Variants in CD2AP observed in about 807,000 individuals in gnomAD.
CD2AP encodes the protein CD2 associated protein.
Under a neutral mutation model 85.1 loss-of-function variants are expected in CD2AP, and 46 were observed. The observed-to-expected ratio is 0.54, with a 90% CI of 0.43 to 0.69. The LOEUF (loss-of-function observed/expected upper bound fraction) is 0.69, where lower values mean the gene tolerates loss of function less well. Among genes scored for constraint, CD2AP ranks in the 30% least tolerant of loss-of-function variants. CD2AP has a pLI of 0.00. For synonymous variants in CD2AP, 255 were observed against 252.9 expected (o/e 1.01, Z -0.08); for missense variants, 769 against 729.5 (o/e 1.05, Z -0.62).
At chr6:47,550,846 T>C (rs542551269) in intron 4 of CD2AP, among the ~76,000 whole-genome samples, 1 of 152,330 alleles carries the variant, frequency 6.6e-6, no homozygotes, top group South Asian at 2.1e-4. Context: ...GGAATACTAC[T>C]CAGCCATAAA....
intron 2 of CD2AP, among the ~76,000 whole-genome samples, chr6:47,525,649 A>G (rs112787198): frequency 1.9e-3 from 295 of 152,260 alleles, no homozygotes; most frequent in African/African-American, 6.9e-3. Flanking sequence ...GTTTTGGTTA[A>G]TACAATCAAA....
intron 17 of CD2AP, among the ~76,000 whole-genome samples, chr6:47,623,149 C>T (rs1435987409): frequency 6.6e-6 from 1 of 152,120 alleles, no homozygotes; most frequent in Admixed American, 6.5e-5. Flanking sequence ...AAGGAAGATC[C>T]TGAAATTAAT....
intron 11 of CD2AP, among the ~76,000 whole-genome samples, chr6:47,593,807 A>G (rs1768863904): frequency 6.6e-6 from 1 of 152,146 alleles, no homozygotes; most frequent in African/African-American, 2.4e-5. Context: ...CCAAACGTCC[A>G]AGAGAATTGA....
At chr6:47,544,528 C>T in intron 3 of CD2AP, 78 bp from the exon 4 acceptor site, 1 of 911,106 alleles carries the variant, frequency 1.1e-6, no homozygotes, top group Non-Finnish European at 1.8e-6. Flanking sequence ...AGTCCTGTGA[C>T]TAAACATGGC....
intron 5 of CD2AP, among the ~76,000 whole-genome samples, chr6:47,558,725 A>G (rs923361597): frequency 6.6e-6 from 1 of 152,202 alleles, no homozygotes; most frequent in South Asian, 2.1e-4. Context: ...TTGGTTTGCC[A>G]GTATTTTATT....
intron 2 of CD2AP, among the ~76,000 whole-genome samples, chr6:47,517,429 A>T (rs2114002144): frequency 6.6e-6 from 1 of 152,138 alleles, no homozygotes; most frequent in African/African-American, 2.4e-5. Flanking sequence ...CTGCGACTAC[A>T]GGTGTGTGCC....
Position 47,549,310 on chromosome 6 carries a change from A to C in CD2AP, c.420+4604A>C, listed in dbSNP as rs1484455354. 3.3e-5 allele frequency among the ~76,000 whole-genome samples: 5 copies of C among 151,814 alleles called. No individual in the cohort carries two copies. In the East Asian group the frequency reaches 9.6e-4, roughly 29 times the overall value. On this transcript the variant is annotated intron_variant, in intron 4 of 17. Coordinates refer to ENST00000359314, the MANE Select transcript of CD2AP (RefSeq NM_012120.3). The stretch of plus-strand genomic sequence containing the variant: ...ATCGTTTACCTTGAAATCCCTAAAG[A>C]CTCCTTCAGAAAGCTCCTAGAACTG...
intron 4 of CD2AP, among the ~76,000 whole-genome samples, chr6:47,547,881 A>G (rs1767408883): frequency 1.3e-5 from 2 of 152,128 alleles, no homozygotes; most frequent in African/African-American, 2.4e-5. Context: ...AGCCTTGAAA[A>G]CCATGCAAAT....
At chr6:47,509,480 C>T (rs979186378) in intron 2 of CD2AP, among the ~76,000 whole-genome samples, 2 of 151,398 alleles carry the variant, frequency 1.3e-5, no homozygotes, top group African/African-American at 2.4e-5. Context: ...TGCAGTGAAG[C>T]GAAGTGCAGT....
chr6:47,497,535 C>T (rs1274305078), intron 1 of CD2AP, among the ~76,000 whole-genome samples: 1 of 152,038 alleles, frequency 6.6e-6, no homozygotes, highest in Non-Finnish European at 1.5e-5. Context: ...TTCAGCTTCC[C>T]CAGTAGTTGG....
At chr6:47,619,096 T>C (rs1430158142) in intron 17 of CD2AP, among the ~76,000 whole-genome samples, 1 of 152,116 alleles carries the variant, frequency 6.6e-6, no homozygotes, top group Non-Finnish European at 1.5e-5. Flanking sequence ...TTCCATACAT[T>C]ATTGGGGTAG....
intron 14 of CD2AP, among the ~76,000 whole-genome samples, chr6:47,607,489 A>G (rs535242974): frequency 2.0e-5 from 3 of 151,984 alleles, no homozygotes; most frequent in Non-Finnish European, 4.4e-5. Context: ...TTGGATAAAA[A>G]CCATTTTAAT....
chr6:47,559,937 G>A (rs1028095555), intron 5 of CD2AP, among the ~76,000 whole-genome samples: 8 of 152,048 alleles, frequency 5.3e-5, no homozygotes, highest in African/African-American at 1.9e-4. Context: ...CCTAAGTCAT[G>A]ATTTACATAT....
chr6:47,618,399 A>G (rs1769655170), intron 17 of CD2AP, among the ~76,000 whole-genome samples: 1 of 152,010 alleles, frequency 6.6e-6, no homozygotes, highest in East Asian at 1.9e-4. Flanking sequence ...CTATATTTTC[A>G]CTGTTAGGGT....
chr6:47,576,469 C>T (rs1328508241), intron 6 of CD2AP, 55 bp from the exon 7 acceptor site: 2 of 1,144,702 alleles, frequency 1.7e-6, no homozygotes, highest in Non-Finnish European at 2.6e-6. Flanking sequence ...CTTTGTTTAA[C>T]AGTATTATCT....
At chr6:47,539,037 A>G (rs1035493300) in intron 3 of CD2AP, among the ~76,000 whole-genome samples, 2 of 152,168 alleles carry the variant, frequency 1.3e-5, no homozygotes, top group African/African-American at 4.8e-5. Flanking sequence ...ATCATGAGAA[A>G]CAATATTGGT....
intron 2 of CD2AP, among the ~76,000 whole-genome samples, chr6:47,524,307 C>T (rs1031152109): frequency 5.9e-5 from 9 of 152,100 alleles, no homozygotes; most frequent in South Asian, 2.1e-4. Flanking sequence ...GGACCCAGCA[C>T]GACTTGCCTG....
intron 1 of CD2AP, among the ~76,000 whole-genome samples, chr6:47,496,325 C>T (rs575110583): frequency 6.6e-6 from 1 of 152,154 alleles, no homozygotes; most frequent in Non-Finnish European, 1.5e-5. Flanking sequence ...GCTAAGTCAC[C>T]CATTAGTCTG....
At chr6:47,544,817 T>TA (rs1055989551) in intron 4 of CD2AP, 111 bp downstream of exon 4, 17 of 702,668 alleles carry the variant, frequency 2.4e-5, no homozygotes, top group Middle Eastern at 3.5e-4. Context: ...TGTCACTTTT[T>TA]AAAAAAAATG....
Sources: allele counts gnomAD v4.1 joint callset (sites outside exome capture counted in the v4.1 genomes callset), GRCh38; gene constraint gnomAD v4.1.1; transcripts MANE v1.5; gene names NCBI Gene and HGNC (gene_info 2026-07-23, HGNC 2026-07-21).